Variants in CTTNBP2 observed in about 807,000 individuals in gnomAD.
The protein encoded by CTTNBP2 is cortactin-binding protein 2.
CTTNBP2 carries 108 observed loss-of-function variants against 156.9 expected under a neutral mutation model. That is an observed-to-expected ratio of 0.69 (90% CI 0.59 to 0.81). CTTNBP2 has a LOEUF of 0.81. Among genes scored for constraint, CTTNBP2 ranks in the 30% least tolerant of loss-of-function variants. The pLI, the probability that CTTNBP2 is intolerant of heterozygous loss-of-function variation, is 0.00. For synonymous variants in CTTNBP2, 767 were observed against 751.8 expected (o/e 1.02, Z -0.33); for missense variants, 1,924 against 2,035.4 (o/e 0.95, Z 1.05).
At chr7:117,835,100 AGCTC>A (rs1322218897) in intron 2 of CTTNBP2, among the ~76,000 whole-genome samples, 10 of 152,362 alleles carry the variant, frequency 6.6e-5, no homozygotes, top group Non-Finnish European at 1.3e-4. Context: ...AAACCTGAGC[AGCTC>A]AGCTGCCACA....
chr7:117,776,418 G>A (rs1798101676), intron 8 of CTTNBP2, among the ~76,000 whole-genome samples: 1 of 152,094 alleles, frequency 6.6e-6, no homozygotes, highest in Admixed American at 6.6e-5. Context: ...ACTTTGACTA[G>A]TAAATTAAGA....
At chr7:117,780,317 A>C (rs956615275) in intron 7 of CTTNBP2, 124 bp downstream of exon 7, 6 of 630,346 alleles carry the variant, frequency 9.5e-6, no homozygotes, top group Non-Finnish European at 1.5e-5. Flanking sequence ...ACACTTTCCA[A>C]ATCCTACAAG....
At chr7:117,844,099 T>C (rs1802437648) in intron 2 of CTTNBP2, among the ~76,000 whole-genome samples, 1 of 151,966 alleles carries the variant, frequency 6.6e-6, no homozygotes, top group Non-Finnish European at 1.5e-5. Flanking sequence ...GGAAAGATAC[T>C]ACAACATGCT....
At chr7:117,713,791 C>T (rs1794187505) in intron 22 of CTTNBP2, 2 of 152,194 alleles carry the variant, frequency 1.3e-5, no homozygotes, top group South Asian at 2.1e-4. Flanking sequence ...GATTTTCAGA[C>T]TCAGCTAATC....
chr7:117,728,870 T>C (rs1795248958), intron 16 of CTTNBP2, among the ~76,000 whole-genome samples: 1 of 152,198 alleles, frequency 6.6e-6, no homozygotes, highest in Non-Finnish European at 1.5e-5. Flanking sequence ...AATTCAGTAA[T>C]CACTATTAAG....
intron 2 of CTTNBP2, among the ~76,000 whole-genome samples, chr7:117,819,956 A>C (rs1232215567): frequency 6.6e-6 from 1 of 152,250 alleles, no homozygotes. Context: ...AGACCATATT[A>C]GCAGAATTCA....
intron 12 of CTTNBP2, among the ~76,000 whole-genome samples, chr7:117,747,186 A>G (rs892520322): frequency 6.6e-6 from 1 of 152,202 alleles, no homozygotes; most frequent in African/African-American, 2.4e-5. Context: ...AGCCACCCAG[A>G]CTTAGAGAAG....
chr7:117,711,313 A>G lies in CTTNBP2; in HGVS notation c.*224T>C. On this transcript the variant is annotated 3_prime_UTR_variant, in exon 23 of 23. Coordinates refer to ENST00000160373, the MANE Select transcript of CTTNBP2 (RefSeq NM_033427.3). ...TTATAAAACTACTTGAAAAGTTGGC[A>G]TAACTTCCTGGTATTGAAGTTCAAT... 2.1e-6 allele frequency: 1 copy of G among 469,760 alleles called. No homozygotes were observed. The highest frequency in any genetic ancestry group is 3.7e-6 in the Non-Finnish European group (1 of 268,234). The allele number at this position is 469,760 out of a possible 1,614,324, so 29.1% of individuals were successfully genotyped here. A position where few individuals can be genotyped will look rare whatever the true frequency, so the allele number is the denominator to read the frequency against.
At chr7:117,743,252 T>G (rs1796113562) in intron 14 of CTTNBP2, among the ~76,000 whole-genome samples, 1 of 152,124 alleles carries the variant, frequency 6.6e-6, no homozygotes, top group South Asian at 2.1e-4. Flanking sequence ...TCTACCCCCA[T>G]AGGGTAAGCA....
chr7:117,787,528 A>G (rs1232956513), intron 4 of CTTNBP2, among the ~76,000 whole-genome samples: 1 of 152,228 alleles, frequency 6.6e-6, no homozygotes, highest in African/African-American at 2.4e-5. Context: ...ACCAAATTAA[A>G]TCAAATGTAT....
intron 2 of CTTNBP2, among the ~76,000 whole-genome samples, chr7:117,818,236 A>G (rs142891138): frequency 6.6e-6 from 1 of 152,312 alleles, no homozygotes; most frequent in East Asian, 1.9e-4. Flanking sequence ...AACAATAAAA[A>G]TGGTTTCCAG....
Position 117,810,793 on chromosome 7 carries a change from A to G in CTTNBP2, c.386T>C (p.Leu129Pro), listed in dbSNP as rs766604967. ...KKMQERMSAQ[L>P]AAAESRQKKL... ...CTTTTGTCTGCTCTCAGCAGCAGCC[A>G]GCTGTGCGGACATCCTTTCTTGCAT... Residue 129 changes from leucine to proline, a missense_variant, in exon 3 of 23, where the codon CTG becomes CCG. By Grantham distance (98) the Leu-to-Pro change is moderately conservative. Transcript: ENST00000160373. 1 of 1,613,586 alleles carries G rather than the reference A, an allele frequency of 6.2e-7. No individual in the cohort carries two copies. Among genetic ancestry groups the G allele is most frequent in the South Asian group, 1.1e-5 (1 of 91,064 alleles).
intron 2 of CTTNBP2, among the ~76,000 whole-genome samples, chr7:117,817,558 A>T (rs1800694039): frequency 6.6e-6 from 1 of 150,942 alleles, no homozygotes; most frequent in African/African-American, 2.4e-5. Context: ...AAAATAAAAG[A>T]AAGCGTACTT....
chr7:117,788,533 AG>A (rs1798824036), intron 4 of CTTNBP2, among the ~76,000 whole-genome samples: 2 of 152,170 alleles, frequency 1.3e-5, no homozygotes, highest in Non-Finnish European at 2.9e-5. Flanking sequence ...TGACCTGGAG[AG>A]GCACAAGCTC....
intron 9 of CTTNBP2, among the ~76,000 whole-genome samples, chr7:117,761,642 T>C (rs774401090): frequency 1.6e-4 from 25 of 152,236 alleles, no homozygotes; most frequent in Non-Finnish European, 2.6e-4. Flanking sequence ...GGGACAACTA[T>C]ATGAAATTAG....
intron 21 of CTTNBP2, 28 bp from the exon 22 acceptor site, chr7:117,718,147 T>G (rs1562947841): frequency 7.1e-7 from 1 of 1,414,920 alleles, no homozygotes; most frequent in Non-Finnish European, 1.0e-6. Flanking sequence ...TGCCCGGTCA[T>G]GTCTCCACAG....
At chr7:117,861,185 GAC>G in intron 2 of CTTNBP2, 22 bp downstream of exon 2, 1 of 1,427,028 alleles carries the variant, frequency 7.0e-7, no homozygotes, top group Non-Finnish European at 9.8e-7. Flanking sequence ...CCAGCATGGA[GAC>G]CCACTCCTGT....
In CTTNBP2 at chr7:117,791,314, C is replaced by T. The variant is rs776855094; in HGVS notation, c.1882G>A (p.Val628Ile). The T allele has an allele frequency of 1.1e-5, 18 of 1,614,004 alleles. No individual in the cohort carries two copies. Among genetic ancestry groups the T allele is most frequent in the African/African-American group, 9.3e-5 (7 of 74,886 alleles). ...ACCTGAGACGTGGCCAGGGCTGAAA[C>T]GGCACAGCCTGCAGGTGCCACAGTT... ...DLTVAPAGCAVSALATSQVGA... is the reference protein window; with the variant it reads ...DLTVAPAGCAISALATSQVGA... Residue 628 changes from valine to isoleucine, a missense_variant, in exon 4 of 23, where the codon GTT (valine) becomes ATT (isoleucine). Transcript: ENST00000160373.
intron 2 of CTTNBP2, among the ~76,000 whole-genome samples, chr7:117,843,687 A>G (rs1297637474): frequency 1.3e-5 from 2 of 152,186 alleles, no homozygotes; most frequent in Non-Finnish European, 2.9e-5. Context: ...CTGTGAGCTG[A>G]AGGGTGACAT....
Sources: gnomAD v4.1 joint callset for allele counts (sites outside exome capture counted in the v4.1 genomes callset) on GRCh38, gnomAD v4.1.1 for gene constraint, MANE v1.5 for transcripts, NCBI Gene and HGNC (gene_info 2026-07-23, HGNC 2026-07-21) for gene names.